Variants in CELF4 observed in about 807,000 individuals in gnomAD.
CELF4 encodes the protein CUGBP Elav-like family member 4.
CELF4 carries 18 observed loss-of-function variants against 59.9 expected under a neutral mutation model. That is an observed-to-expected ratio of 0.30 (90% CI 0.21 to 0.45). The LOEUF (loss-of-function observed/expected upper bound fraction) is 0.45, where lower values mean the gene tolerates loss of function less well. Ranked by LOEUF, CELF4 falls within the 20% of genes least tolerant of loss-of-function variation. The pLI is 1.00. For synonymous variants in CELF4, 261 were observed against 267.1 expected (o/e 0.98, Z 0.22); for missense variants, 456 against 689.0 (o/e 0.66, Z 3.79).
At chr18:37,364,701 G>A (rs920797) in intron 2 of CELF4, among the ~76,000 whole-genome samples, 87,769 of 152,136 alleles carry the variant, frequency 0.58, 25,513 homozygotes, top group South Asian at 0.7. Context: ...TGAGAATTAG[G>A]AAGAGAAACA....
chr18:37,375,192 T>C (rs2098953509), intron 2 of CELF4, among the ~76,000 whole-genome samples: 1 of 152,072 alleles, frequency 6.6e-6, no homozygotes, highest in Admixed American at 6.5e-5. Flanking sequence ...TGCCGCAGAG[T>C]ATAAATATTT....
At chr18:37,401,805 C>T (rs1238195086) in intron 2 of CELF4, among the ~76,000 whole-genome samples, 3 of 152,226 alleles carry the variant, frequency 2.0e-5, no homozygotes, top group African/African-American at 7.2e-5. Context: ...CAGGGCTGGC[C>T]TCTCACTTCC....
At chr18:37,332,152 A>G (rs925196735) in intron 2 of CELF4, among the ~76,000 whole-genome samples, 1 of 152,132 alleles carries the variant, frequency 6.6e-6, no homozygotes, top group African/African-American at 2.4e-5. Context: ...ACAGGAGCCT[A>G]AAGCTTGTAC....
chr18:37,332,135 T>C (rs2097565895), intron 2 of CELF4, among the ~76,000 whole-genome samples: 1 of 152,084 alleles, frequency 6.6e-6, no homozygotes, highest in Non-Finnish European at 1.5e-5. Flanking sequence ...TCCCCACCTG[T>C]GGGAAGACAG....
intron 2 of CELF4, among the ~76,000 whole-genome samples, chr18:37,411,668 C>T (rs934152706): frequency 2.6e-5 from 4 of 152,224 alleles, no homozygotes; most frequent in African/African-American, 7.2e-5. Flanking sequence ...AATCAAAGTT[C>T]CCTGAAACCC....
At chr18:37,250,382 A>G (rs892970402) in intron 12 of CELF4, among the ~76,000 whole-genome samples, 4 of 150,756 alleles carry the variant, frequency 2.7e-5, no homozygotes, top group Admixed American at 2.7e-4. Context: ...CCAAAGCCCA[A>G]CTGTACTCCC....
intron 1 of CELF4, among the ~76,000 whole-genome samples, chr18:37,509,350 G>A (rs1002579035): frequency 2.0e-5 from 3 of 152,230 alleles, no homozygotes; most frequent in Non-Finnish European, 4.4e-5. Context: ...CCCTACCCAT[G>A]TGGGAAAGCC....
chr18:37,377,912 G>A (rs1422723066), intron 2 of CELF4, among the ~76,000 whole-genome samples: 2 of 152,124 alleles, frequency 1.3e-5, no homozygotes, highest in Non-Finnish European at 2.9e-5. Flanking sequence ...GGACTAGGGG[G>A]AACAGGAGAG....
intron 1 of CELF4, among the ~76,000 whole-genome samples, chr18:37,518,920 G>T (rs1023023898): frequency 1.3e-5 from 2 of 152,190 alleles, no homozygotes. Flanking sequence ...ACACATGCAC[G>T]CACAAGTAAT....
At chr18:37,274,258 G>A (rs1177419066) in intron 6 of CELF4, 53 bp downstream of exon 6, 15 of 1,594,948 alleles carry the variant, frequency 9.4e-6, no homozygotes, top group African/African-American at 2.7e-5. Flanking sequence ...CGCTCTCTGA[G>A]GCTCCCAGGG....
At chr18:37,556,433 C>T (rs944737812) in intron 1 of CELF4, among the ~76,000 whole-genome samples, 12 of 152,362 alleles carry the variant, frequency 7.9e-5, no homozygotes, top group African/African-American at 2.9e-4. Flanking sequence ...CCTGGCATGC[C>T]AGCAGGCCTG....
At chr18:37,441,041 C>T (rs974895839) in intron 2 of CELF4, among the ~76,000 whole-genome samples, 9 of 152,186 alleles carry the variant, frequency 5.9e-5, no homozygotes, top group African/African-American at 1.2e-4. Flanking sequence ...CCGTATCTGC[C>T]GCTGCTGATA....
At position 37,436,731 on chromosome 18, in the gene CELF4, C is replaced by A. The variant is rs548951843; in HGVS notation, c.369+48794G>T. On this transcript the variant is annotated intron_variant, in intron 2 of 12. Transcript: ENST00000420428. Reference sequence around the variant, plus strand: ...GGATGGTCAGAAATAGAGGCGCCTTCTCCCCATGTTGGAGGGAATGGCTGG... The same window carrying A: ...GGATGGTCAGAAATAGAGGCGCCTTATCCCCATGTTGGAGGGAATGGCTGG... Among the ~76,000 whole-genome samples, 10 of 152,300 alleles carry A rather than the reference C, an allele frequency of 6.6e-5. No homozygotes were observed. In the South Asian group the frequency reaches 2.1e-3, roughly 32 times the overall value.
intron 3 of CELF4, among the ~76,000 whole-genome samples, chr18:37,304,285 G>A (rs555384766): frequency 2.0e-5 from 3 of 152,330 alleles, no homozygotes; most frequent in Admixed American, 2.0e-4. Context: ...ATGAGCACCT[G>A]CTATTAATCA....
intron 2 of CELF4, among the ~76,000 whole-genome samples, chr18:37,402,856 G>C (rs1162427142): frequency 6.6e-6 from 1 of 152,136 alleles, no homozygotes; most frequent in African/African-American, 2.4e-5. Context: ...TGCAGGCCTA[G>C]CTCAAGGACC....
intron 1 of CELF4, among the ~76,000 whole-genome samples, chr18:37,546,465 C>T (rs1262136455): frequency 6.6e-6 from 1 of 152,204 alleles, no homozygotes; most frequent in African/African-American, 2.4e-5. Flanking sequence ...TGGTCAGACT[C>T]AGAGCACTTC....
intron 1 of CELF4, among the ~76,000 whole-genome samples, chr18:37,504,514 C>G (rs2099935472): frequency 6.6e-6 from 1 of 150,510 alleles, no homozygotes; most frequent in South Asian, 2.1e-4. Flanking sequence ...TTCCTTTTAG[C>G]ATGTGATTTG....
intron 3 of CELF4, among the ~76,000 whole-genome samples, chr18:37,293,445 TTCCTCTTC>T (rs1177543212): frequency 6.6e-6 from 1 of 152,234 alleles, no homozygotes; most frequent in Admixed American, 6.5e-5. Context: ...CTAAATTTCT[TTCCTCTTC>T]TAAGGATGCC....
At chr18:37,456,700 G>A (rs2099779331) in intron 2 of CELF4, among the ~76,000 whole-genome samples, 1 of 152,182 alleles carries the variant, frequency 6.6e-6, no homozygotes, top group South Asian at 2.1e-4. Flanking sequence ...GTGATACACA[G>A]CCATGAATAA....
Sources: allele counts gnomAD v4.1 joint callset (sites outside exome capture counted in the v4.1 genomes callset), GRCh38; gene constraint gnomAD v4.1.1; transcripts MANE v1.5; gene names NCBI Gene and HGNC (gene_info 2026-07-23, HGNC 2026-07-21).